COL4A3: variants seen among roughly 807,000 people sequenced by gnomAD.
COL4A3 encodes collagen type IV alpha 3 chain, also known as collagen alpha-3(IV) chain.
In COL4A3, 135 loss-of-function variants were observed where a neutral mutation model predicts 217.4. The ratio of observed to expected loss-of-function variants is 0.62; its 90% CI spans 0.54 to 0.72. The LOEUF (loss-of-function observed/expected upper bound fraction) is 0.72. Ranked by LOEUF, COL4A3 falls within the 30% of genes least tolerant of loss-of-function variation. COL4A3 has a pLI of 0.00. For synonymous variants in COL4A3, 690 were observed against 736.3 expected (o/e 0.94, Z 1.02); for missense variants, 1,868 against 2,119.9 (o/e 0.88, Z 2.33).
Position 227,290,820 on chromosome 2 carries a change from T to A in COL4A3, c.3144T>A (p.Gly1048=). The A allele has an allele frequency of 1.9e-6, 3 of 1,613,576 alleles. No homozygotes were observed. The highest frequency in any genetic ancestry group is 2.5e-6 in the Non-Finnish European group (3 of 1,179,888). The change falls in exon 37 of 52, where the codon GGT becomes GGA. Residue 1048 remains glycine (G), a synonymous_variant. Transcript: ENST00000396578. ...GACCAGGCCTCCCAGGTATTCATGG[T>A]CTCCAGGGAGATAAGGGAGAGCCAG... ...AGRPGLPGIH[G]LQGDKGEPGY... is the part of the protein sequence containing the mutation.
chr2:227,250,303 C>T lies in COL4A3; in HGVS notation c.547-837C>T, dbSNP rs2069653243. Among the ~76,000 whole-genome samples the T allele has an allele frequency of 6.6e-6, 1 of 151,718 alleles. No individual in the cohort carries two copies. Among genetic ancestry groups the T allele is most frequent in the South Asian group, 2.1e-4 (1 of 4,802 alleles). On this transcript the variant is annotated intron_variant, in intron 9 of 51. Transcript: ENST00000396578. The surrounding 1 kb of genome is among the most constrained non-coding windows in gnomAD (Gnocchi z 4.1). ...ACTCCAGCCTGAGGACAGAATGAGA[C>T]TCTGTCTCAAAAAAATAGGTAGATA...
At chr2:227,215,010 A>T (rs1322128003) in intron 1 of COL4A3, among the ~76,000 whole-genome samples, 1 of 152,190 alleles carries the variant, frequency 6.6e-6, no homozygotes. Context: ...TATACTGGAT[A>T]CTTTTTGGTT....
chr2:227,206,304 C>G (rs901926752), intron 1 of COL4A3, among the ~76,000 whole-genome samples: 1 of 152,162 alleles, frequency 6.6e-6, no homozygotes, highest in African/African-American at 2.4e-5. Context: ...AACTCCTGAC[C>G]TCAAGTGATC....
chr2:227,275,487 G>A (rs1396163472), intron 26 of COL4A3, among the ~76,000 whole-genome samples: 1 of 152,106 alleles, frequency 6.6e-6, no homozygotes, highest in Non-Finnish European at 1.5e-5. Context: ...AGCCTCTTCT[G>A]TGATTTCTAA....
chr2:227,226,074 A>G (rs1205795471), intron 1 of COL4A3, among the ~76,000 whole-genome samples: 2 of 152,122 alleles, frequency 1.3e-5, no homozygotes, highest in African/African-American at 4.8e-5. Flanking sequence ...TTTCTCTGGA[A>G]TATGAGGACA....
chr2:227,255,286 G>C (rs2070083849), intron 15 of COL4A3, among the ~76,000 whole-genome samples: 1 of 152,108 alleles, frequency 6.6e-6, no homozygotes, highest in Non-Finnish European at 1.5e-5. Context: ...CCCCACAAAG[G>C]AAATAGGGCA....
rs2071837772 is a variant in COL4A3 at position 227,279,852 on chromosome 2, C to A, written c.2185C>A (p.Pro729Thr). 1 of 1,609,046 alleles carries A rather than the reference C, an allele frequency of 6.2e-7. No individual in the cohort carries two copies. The highest frequency in any genetic ancestry group is 1.7e-5 in the Admixed American group (1 of 59,436). ...SLGCPGKMGEPGLPGKPGLPG... is the reference protein window; with the variant it reads ...SLGCPGKMGETGLPGKPGLPG... ...GGGTTGTCCTGGAAAAATGGGAGAG[C>A]CTGGGTTACCTGGAAAGCCAGGCCT... The change falls in exon 29 of 52, where the codon CCT becomes ACT. Residue 729 changes from proline to threonine, a missense_variant. Physicochemically the swap from Pro to Thr is conservative, Grantham distance 38. Coordinates refer to ENST00000396578, the MANE Select transcript of COL4A3 (RefSeq NM_000091.5).
intron 1 of COL4A3, among the ~76,000 whole-genome samples, chr2:227,196,408 C>G (rs1277133491): frequency 6.6e-6 from 1 of 151,502 alleles, no homozygotes; most frequent in Non-Finnish European, 1.5e-5. Flanking sequence ...AGCTCCGCCT[C>G]CCAGGTTCAA....
At chr2:227,261,163 G>T (rs1442780376) in intron 20 of COL4A3, 46 bp downstream of exon 20, 1 of 1,479,524 alleles carries the variant, frequency 6.8e-7, no homozygotes, top group Non-Finnish European at 9.4e-7. Flanking sequence ...CTATTACAAA[G>T]GAAAATAAGC....
chr2:227,184,453 A>T (rs1289723926), intron 1 of COL4A3, among the ~76,000 whole-genome samples: 6 of 152,226 alleles, frequency 3.9e-5, no homozygotes, highest in Admixed American at 3.9e-4. Context: ...GGTGACCTTG[A>T]GTGCCAGCTT....
At chr2:227,202,686 G>A (rs182755606) in intron 1 of COL4A3, among the ~76,000 whole-genome samples, 1 of 147,860 alleles carries the variant, frequency 6.8e-6, no homozygotes, top group African/African-American at 2.5e-5. Context: ...AGTGAGCCGA[G>A]ATAGCGCCAC....
intron 25 of COL4A3, among the ~76,000 whole-genome samples, chr2:227,271,290 C>T (rs527725492): frequency 3.4e-4 from 51 of 151,772 alleles, no homozygotes; most frequent in African/African-American, 6.3e-4. Context: ...TATTTTGGGG[C>T]GATGTCCATA....
chr2:227,303,112 T>G lies in COL4A3; in HGVS notation c.3955+2T>G, dbSNP rs1198975553. On this transcript the variant is annotated splice_donor_variant, in intron 44 of 51. Coordinates refer to ENST00000396578, the MANE Select transcript of COL4A3 (RefSeq NM_000091.5). LOFTEE classifies it high-confidence loss of function. Reference sequence around the variant, plus strand: ...TCCAGGGGTTTCCAGGCGTGAAAGGTACTGTTTTTGTGCATTGCTCTTTAT... The same window carrying G: ...TCCAGGGGTTTCCAGGCGTGAAAGGGACTGTTTTTGTGCATTGCTCTTTAT... The G allele has an allele frequency of 6.2e-7, 1 of 1,613,386 alleles. No individual in the cohort carries two copies. The highest frequency in any genetic ancestry group is 8.5e-7 in the Non-Finnish European group (1 of 1,179,374).
At chr2:227,236,663 A>ATTTTTTTTTTTTTTTTTTTTT (rs375943584) in intron 1 of COL4A3, among the ~76,000 whole-genome samples, 1 of 144,658 alleles carries the variant, frequency 6.9e-6, no homozygotes, top group African/African-American at 2.5e-5. Flanking sequence ...GTCAAAACAC[A>ATTTTTTTTTTTTTTTTTTTTT]TTTTTTCTTT....
At chr2:227,195,198 T>C (rs1393540145) in intron 1 of COL4A3, among the ~76,000 whole-genome samples, 1 of 152,104 alleles carries the variant, frequency 6.6e-6, no homozygotes, top group African/African-American at 2.4e-5. Flanking sequence ...CAAATCTTTA[T>C]AAATAGATTT....
intron 1 of COL4A3, among the ~76,000 whole-genome samples, chr2:227,212,844 T>C (rs1476450470): frequency 1.3e-5 from 2 of 152,172 alleles, no homozygotes; most frequent in Non-Finnish European, 2.9e-5. Context: ...GAGGCCACAG[T>C]GTAGGGTGAA....
intron 37 of COL4A3, 97 bp from the exon 38 acceptor site, chr2:227,293,094 T>C: frequency 8.0e-6 from 12 of 1,504,608 alleles, no homozygotes; most frequent in South Asian, 1.2e-5. Context: ...TATGAATTGA[T>C]GAATGAATGA....
chr2:227,211,938 A>G (rs2067339904), intron 1 of COL4A3, among the ~76,000 whole-genome samples: 1 of 152,136 alleles, frequency 6.6e-6, no homozygotes, highest in South Asian at 2.1e-4. Flanking sequence ...AAGTGCTAGG[A>G]TTATAGGTGT....
intron 41 of COL4A3, among the ~76,000 whole-genome samples, chr2:227,295,613 C>G (rs1288701491): frequency 6.6e-6 from 1 of 152,206 alleles, no homozygotes; most frequent in African/African-American, 2.4e-5. Context: ...AAAGATACCA[C>G]CTCCTAAAAG....
Sources: gnomAD v4.1 joint callset for allele counts (sites outside exome capture counted in the v4.1 genomes callset) on GRCh38, gnomAD v4.1.1 for gene constraint, Gnocchi (gnomAD v3.1) non-coding constraint, MANE v1.5 for transcripts, NCBI Gene and HGNC (gene_info 2026-07-23, HGNC 2026-07-21) for gene names.